The following PDE11A variants were observed in gnomAD, a reference collection of about 807,000 sequenced individuals.
The protein encoded by PDE11A is dual 3',5'-cyclic-AMP and -GMP phosphodiesterase 11A.
A neutral mutation model predicts 100.5 loss-of-function variants in PDE11A; 100 were observed. The ratio of observed to expected loss-of-function variants is 1.00; its 90% CI spans 0.85 to 1.18. The LOEUF is 1.18. PDE11A is among the 50% of genes most tolerant of loss of function. PDE11A has a pLI of 0.00. For synonymous variants in PDE11A, 381 were observed against 420.8 expected (o/e 0.91, Z 1.16); for missense variants, 1,141 against 1,152.6 (o/e 0.99, Z 0.15).
At chr2:177,641,356 A>G (rs73977686) in intron 19 of PDE11A, among the ~76,000 whole-genome samples, 10,028 of 151,896 alleles carry the variant, frequency 0.066, 919 homozygotes, top group African/African-American at 0.21. Flanking sequence ...AAATGCCAAA[A>G]TAATCCCACT....
At chr2:177,899,512 C>A in intron 3 of PDE11A, 2 of 308,644 alleles carry the variant, frequency 6.5e-6, no homozygotes, top group Non-Finnish European at 1.3e-5. Context: ...TACAAAGCAG[C>A]TTTTCCTCAC....
intron 12 of PDE11A, among the ~76,000 whole-genome samples, chr2:177,720,486 C>T (rs900570753): frequency 6.6e-6 from 1 of 152,118 alleles, no homozygotes; most frequent in Non-Finnish European, 1.5e-5. Flanking sequence ...AGTGGTCATA[C>T]TCCCTCGGCA....
intron 2 of PDE11A, among the ~76,000 whole-genome samples, chr2:177,939,786 C>T (rs1331948526): frequency 1.3e-5 from 2 of 152,076 alleles, no homozygotes; most frequent in East Asian, 3.9e-4. Context: ...CTAGGCAAAC[C>T]AGGACAAGTT....
chr2:177,659,922 G>C (rs979355924), intron 19 of PDE11A, among the ~76,000 whole-genome samples: 5 of 152,096 alleles, frequency 3.3e-5, no homozygotes, highest in Non-Finnish European at 7.4e-5. Context: ...AACTAACCAG[G>C]GCTTGAGTCT....
At position 177,898,169 on chromosome 2, in the gene PDE11A, A is replaced by G. The variant is rs945843590; in HGVS notation, c.1191T>C (p.Phe397=). The change falls in exon 4 of 20, where the codon TTT becomes TTC. Residue 397 remains phenylalanine, a synonymous_variant. Coordinates refer to ENST00000286063, the MANE Select transcript of PDE11A (RefSeq NM_016953.4). ...RALLEVVNDL[F]EEQTDLEKIV... ...TTTTCTCCAGGTCAGTCTGTTCTTC[A>G]AAGAGGTCATTAACCACCTCTAGCA... is the stretch of plus-strand genomic sequence containing the variant. The G allele has an allele frequency of 2.5e-6, 4 of 1,609,128 alleles. No individual in the cohort carries two copies. In the African/African-American group the frequency reaches 5.3e-5, roughly 21 times the overall value.
At chr2:177,944,785 C>A (rs148250529) in intron 2 of PDE11A, among the ~76,000 whole-genome samples, 7,624 of 140,626 alleles carry the variant, frequency 0.054, 238 homozygotes, top group Non-Finnish European at 0.071. Flanking sequence ...CCAGTTTGGA[C>A]AGATAGAAGA....
intron 2 of PDE11A, among the ~76,000 whole-genome samples, chr2:177,932,210 T>C (rs1032147625): frequency 5.3e-5 from 8 of 152,164 alleles, no homozygotes; most frequent in South Asian, 4.1e-4. Context: ...ACCATATGAA[T>C]TGAATTCTAC....
intron 1 of PDE11A, among the ~76,000 whole-genome samples, chr2:178,053,482 C>T (rs976285403): frequency 1.6e-4 from 25 of 152,302 alleles, no homozygotes; most frequent in African/African-American, 4.1e-4. Context: ...CTCACCACTC[C>T]TATTCAACAT....
In PDE11A at chr2:177,880,114, T is replaced by C. The variant is rs138946340; in HGVS notation, c.1303-4191A>G. Among the ~76,000 whole-genome samples the C allele has an allele frequency of 8.7e-4, 133 of 152,302 alleles. 1 individual carries two copies. Among genetic ancestry groups the C allele is most frequent in the African/African-American group, 3.1e-3 (128 of 41,580 alleles). On this transcript the variant is annotated intron_variant, in intron 4 of 19. Transcript: ENST00000286063. ...TATTCATGAACCACGATTGACCTTG[T>C]ATGTAGGAAAGAACTGAACCTTCCC...
At chr2:177,800,636 C>T (rs867990187) in intron 9 of PDE11A, among the ~76,000 whole-genome samples, 1 of 152,104 alleles carries the variant, frequency 6.6e-6, no homozygotes, top group Non-Finnish European at 1.5e-5. Flanking sequence ...TCCTACATGC[C>T]TACTGTGTGC....
intron 9 of PDE11A, among the ~76,000 whole-genome samples, chr2:177,795,122 C>T (rs2082687285): frequency 6.6e-6 from 1 of 152,142 alleles, no homozygotes; most frequent in Admixed American, 6.5e-5. Context: ...AACCTTTATT[C>T]TTATTTCATT....
chr2:177,892,268 A>T (rs1025734405), intron 4 of PDE11A, among the ~76,000 whole-genome samples: 9 of 152,176 alleles, frequency 5.9e-5, no homozygotes, highest in African/African-American at 2.2e-4. Context: ...ATATTTTTAT[A>T]GGTATGAACT....
intron 2 of PDE11A, among the ~76,000 whole-genome samples, chr2:177,973,090 T>C (rs1431460631): frequency 6.6e-6 from 1 of 151,886 alleles, no homozygotes; most frequent in Non-Finnish European, 1.5e-5. Context: ...GGAGTCAAGA[T>C]GGCCGAATAG....
chr2:178,072,766 G>A lies in PDE11A; in HGVS notation c.-329C>T. ...GGCTGCCGCCGCTGCTGCTGGAACT[G>A]CTGCTGTAACCGGATGAGTGGACCG... On this transcript the variant is annotated 5_prime_UTR_variant, in exon 1 of 20. Coordinates refer to ENST00000286063, the MANE Select transcript of PDE11A (RefSeq NM_016953.4). 1.6e-6 allele frequency: 2 copies of A among 1,282,822 alleles called. No homozygotes were observed. Among genetic ancestry groups the A allele is most frequent in the South Asian group, 3.1e-5 (2 of 65,304 alleles). 79.5% of individuals were successfully genotyped at this position (1,282,822 alleles called of 1,614,324 possible). A position where few individuals can be genotyped will look rare whatever the true frequency, so the allele number is the denominator to read the frequency against.
intron 12 of PDE11A, among the ~76,000 whole-genome samples, chr2:177,725,602 A>T (rs1469382266): frequency 6.6e-6 from 1 of 152,116 alleles, no homozygotes; most frequent in Non-Finnish European, 1.5e-5. Flanking sequence ...AAGATTGCTG[A>T]GCATACTTGC....
intron 1 of PDE11A, among the ~76,000 whole-genome samples, chr2:178,058,481 G>A (rs751269015): frequency 1.6e-4 from 25 of 152,138 alleles, no homozygotes; most frequent in Non-Finnish European, 3.2e-4. Flanking sequence ...CACCATCCAC[G>A]TAAAATGTGA....
Position 177,981,027 on chromosome 2 carries a change from G to A in PDE11A, c.1071+33275C>T, listed in dbSNP as rs1340745747. ...ACACACACACACACACACAGCAGAA[G>A]GTAGAGTTAAACCAATCTCAGTTAA... On this transcript the variant is annotated intron_variant, in intron 2 of 19. Transcript: ENST00000286063. Among the ~76,000 whole-genome samples the A allele has an allele frequency of 2.1e-4, 30 of 143,512 alleles. 1 individual carries two copies. The highest frequency in any genetic ancestry group is 2.1e-3 in the Admixed American group (30 of 14,518). 94.1% of individuals were successfully genotyped at this position (143,512 alleles called of 152,430 possible). A position where few individuals can be genotyped will look rare whatever the true frequency, so the allele number is the denominator to read the frequency against.
At chr2:177,987,236 G>T (rs567231885) in intron 2 of PDE11A, among the ~76,000 whole-genome samples, 1 of 152,052 alleles carries the variant, frequency 6.6e-6, no homozygotes, top group African/African-American at 2.4e-5. Context: ...ACCCTTAAGG[G>T]GATGAAGAGG....
chr2:177,884,410 T>C (rs1311129932), intron 4 of PDE11A, among the ~76,000 whole-genome samples: 2 of 152,218 alleles, frequency 1.3e-5, no homozygotes, highest in Non-Finnish European at 2.9e-5. Context: ...ATTCTCCCTA[T>C]TGCAATAGCC....
Sources: gnomAD v4.1 joint callset for allele counts (sites outside exome capture counted in the v4.1 genomes callset) on GRCh38, gnomAD v4.1.1 for gene constraint, MANE v1.5 for transcripts, NCBI Gene and HGNC (gene_info 2026-07-23, HGNC 2026-07-21) for gene names.